The following KCNQ1 variants were observed in gnomAD, a reference collection of about 807,000 sequenced individuals.
KCNQ1 encodes the protein potassium voltage-gated channel subfamily KQT member 1.
KCNQ1 carries 49 observed loss-of-function variants against 72.4 expected under a neutral mutation model. That is an observed-to-expected ratio of 0.68 (90% confidence interval 0.54 to 0.86). The LOEUF (loss-of-function observed/expected upper bound fraction) is 0.86. KCNQ1 is among the 40% of genes least tolerant of loss of function. The pLI, the probability that KCNQ1 is intolerant of heterozygous loss-of-function variation, is 0.00. For missense variants in KCNQ1, 790 were observed against 945.1 expected, an observed-to-expected ratio of 0.84 and a Z score of 2.15; for synonymous variants, 450 against 412.6, an observed-to-expected ratio of 1.09 and a Z score of -1.10.
At position 2,805,093 on chromosome 11, in the gene KCNQ1, G is replaced by C. The variant is rs114647828; in HGVS notation, c.1794+27056G>C. On this transcript the variant is annotated intron_variant, in intron 15 of 15. Transcript: ENST00000155840. Reference sequence around the variant, plus strand: ...GGGCCTGAGTTTCTGCCCATGGGCAGCTGCCGGACAAGCCCTCTGGTGTGT... The same window carrying C: ...GGGCCTGAGTTTCTGCCCATGGGCACCTGCCGGACAAGCCCTCTGGTGTGT... Among the ~76,000 whole-genome samples, 784 of 152,264 alleles carry C rather than the reference G, an allele frequency of 5.1e-3. 6 individuals carry two copies. Among genetic ancestry groups the C allele is most frequent in the African/African-American group, 0.018 (751 of 41,544 alleles).
At chr11:2,733,844 T>TCG (rs1564875376) in intron 11 of KCNQ1, among the ~76,000 whole-genome samples, 4 of 24,864 alleles carry the variant, frequency 1.6e-4, no homozygotes, top group Non-Finnish European at 3.4e-4. Flanking sequence ...TCTCTCTCTC[T>TCG]CTCTCTCTCT....
intron 15 of KCNQ1, among the ~76,000 whole-genome samples, chr11:2,779,177 T>C (rs1472580283): frequency 1.3e-5 from 2 of 152,098 alleles, no homozygotes; most frequent in East Asian, 3.9e-4. Context: ...CAGTGGGAGA[T>C]AGCGCCCATC....
intron 10 of KCNQ1, chr11:2,632,842 C>T (rs1430856831): frequency 5.0e-6 from 2 of 398,254 alleles, no homozygotes; most frequent in Non-Finnish European, 8.9e-6. Context: ...AAGTTGATTC[C>T]ATATCTTAAC....
chr11:2,625,630 C>T lies in KCNQ1; in HGVS notation c.1394-36331C>T, dbSNP rs574412772. On this transcript the variant is annotated intron_variant, in intron 10 of 15. Transcript: ENST00000155840. ...CTCACTCTGTTGCCCAAGCTGAGTG[C>T]AGTGGTGCCATCTCGGCTTACTGCA... 7.6e-6 allele frequency: 3 copies of T among 393,720 alleles called. No homozygotes were observed. In the Admixed American group the frequency reaches 1.4e-4, roughly 18 times the overall value. 24.4% of individuals were successfully genotyped at this position (393,720 alleles called of 1,614,324 possible). A position where few individuals can be genotyped will look rare whatever the true frequency, so the allele number is the denominator to read the frequency against.
intron 11 of KCNQ1, among the ~76,000 whole-genome samples, chr11:2,709,328 C>T (rs1850966205): frequency 6.9e-6 from 1 of 145,220 alleles, no homozygotes; most frequent in Non-Finnish European, 1.5e-5. Flanking sequence ...CAGCAAGAAG[C>T]GGGCAGAGGC....
At position 2,647,617 on chromosome 11, in the gene KCNQ1, C is replaced by T. The variant is rs1468865568; in HGVS notation, c.1394-14344C>T. The T allele has an allele frequency of 2.0e-5, 8 of 398,476 alleles. No individual in the cohort carries two copies. The highest frequency in any genetic ancestry group is 2.2e-5 in the Non-Finnish European group (5 of 226,020). 24.7% of individuals were successfully genotyped at this position (398,476 alleles called of 1,614,324 possible). On this transcript the variant is annotated intron_variant, in intron 10 of 15. Coordinates refer to ENST00000155840, the MANE Select transcript of KCNQ1 (RefSeq NM_000218.3). This position sits in a 1 kb window ranked among gnomAD's most constrained non-coding sequence, Gnocchi z 4.0. The stretch of plus-strand genomic sequence containing the variant: ...GTTTGGTAGAATTCAGTAGAAAACC[C>T]GTGCAATCCTGAGGTTTTCTTTACT...
intron 15 of KCNQ1, among the ~76,000 whole-genome samples, chr11:2,823,995 T>C (rs111971747): frequency 4.6e-5 from 7 of 152,186 alleles, no homozygotes; most frequent in Non-Finnish European, 1.0e-4. Context: ...AGTGATGGGC[T>C]TCCCGGGAGT....
rs1846561473 is a variant in KCNQ1 at position 2,475,841 on chromosome 11, C to T, written c.386+30357C>T. On this transcript the variant is annotated intron_variant, in intron 1 of 15. Transcript: ENST00000155840. This position sits in a 1 kb window ranked among gnomAD's most constrained non-coding sequence, Gnocchi z 5.8. ...ACAAGCTCTCTCATGTTTTGCCTGC[C>T]ACCATCCACGTAAGATGGGACTTGG... 6.6e-6 allele frequency among the ~76,000 whole-genome samples: 1 copy of T among 152,168 alleles called. No homozygotes were observed. The highest frequency in any genetic ancestry group is 1.5e-5 in the Non-Finnish European group (1 of 68,040).
chr11:2,572,049 C>T lies in KCNQ1; in HGVS notation c.720C>T (p.His240=), dbSNP rs28730754. Residue 240 remains histidine (H), a synonymous_variant, in exon 5 of 16, where the codon CAC becomes CAT. Transcript: ENST00000155840. ...TCCTGCAGATCCTGAGGATGCTACA[C>T]GTCGACCGCCAGGGAGGCACCTGGA... The part of the protein sequence containing the change: ...IRFLQILRML[H]VDRQGGTWRL... The T allele has an allele frequency of 1.0e-3, 1,671 of 1,612,882 alleles. 5 individuals carry two copies. In the African/African-American group the frequency reaches 0.016, roughly 16 times the overall value.
At chr11:2,705,825 C>T (rs914226167) in intron 11 of KCNQ1, among the ~76,000 whole-genome samples, 2 of 152,172 alleles carry the variant, frequency 1.3e-5, no homozygotes, top group African/African-American at 2.4e-5. Flanking sequence ...ATTAAAAGGC[C>T]CTGGATCGGT....
In KCNQ1 at chr11:2,488,784, T is replaced by C. The variant is rs1209567557; in HGVS notation, c.387-39144T>C. The stretch of plus-strand genomic sequence containing the variant: ...AAGGTTTGTCAATTCTTAAAATCTT[T>C]TCAGAGAAGCAACTTTGATTTAATT... On this transcript the variant is annotated intron_variant, in intron 1 of 15. Coordinates refer to ENST00000155840, the MANE Select transcript of KCNQ1 (RefSeq NM_000218.3). The surrounding 1 kb of genome is among the most constrained non-coding windows in gnomAD (Gnocchi z 5.1). Among the ~76,000 whole-genome samples, 1 of 152,248 alleles carries C rather than the reference T, an allele frequency of 6.6e-6. No homozygotes were observed. The highest frequency in any genetic ancestry group is 1.5e-5 in the Non-Finnish European group (1 of 68,042).
At position 2,658,525 on chromosome 11, in the gene KCNQ1, C is replaced by T. The variant is rs1235246344; in HGVS notation, c.1394-3436C>T. 5.0e-6 allele frequency: 2 copies of T among 398,310 alleles called. No individual in the cohort carries two copies. The highest frequency in any genetic ancestry group is 8.8e-6 in the Non-Finnish European group (2 of 226,030). The allele number at this position is 398,310 out of a possible 1,614,324, so 24.7% of individuals were successfully genotyped here. On this transcript the variant is annotated intron_variant, in intron 10 of 15. Coordinates refer to ENST00000155840, the MANE Select transcript of KCNQ1 (RefSeq NM_000218.3). The surrounding 1 kb of genome is among the most constrained non-coding windows in gnomAD (Gnocchi z 4.9). ...TTCTAGCACTTGACAATACTTCAGG[C>T]TCATCTTTTATTTTCCCTACCCTAG...
Position 2,750,075 on chromosome 11 carries a change from C to T in KCNQ1, c.1515-18769C>T, listed in dbSNP as rs1489518301. Among the ~76,000 whole-genome samples, 2 of 152,080 alleles carry T rather than the reference C, an allele frequency of 1.3e-5. No homozygotes were observed. The highest frequency in any genetic ancestry group is 4.8e-5 in the African/African-American group (2 of 41,380). The stretch of plus-strand genomic sequence containing the variant: ...TGGGAACAGCCAAGAGGCCAGGAAG[C>T]GGAGCCTGGGTGCAGGGGCATCTTG... On this transcript the variant is annotated intron_variant, in intron 11 of 15. Coordinates refer to ENST00000155840, the MANE Select transcript of KCNQ1 (RefSeq NM_000218.3). This position sits in a 1 kb window ranked among gnomAD's most constrained non-coding sequence, Gnocchi z 6.3.
intron 2 of KCNQ1, among the ~76,000 whole-genome samples, chr11:2,569,172 C>T (rs1217364725): frequency 6.6e-6 from 1 of 152,212 alleles, no homozygotes; most frequent in African/African-American, 2.4e-5. Flanking sequence ...GCGTGAGCCC[C>T]CGCACCTGGC....
chr11:2,474,104 T>A (rs1020694502), intron 1 of KCNQ1, among the ~76,000 whole-genome samples: 2 of 152,110 alleles, frequency 1.3e-5, no homozygotes, highest in African/African-American at 4.8e-5. Context: ...GTTTTTTGTC[T>A]TTCTTTCGAA....
In KCNQ1 at chr11:2,595,732, C is replaced by T. The variant is rs1479761090; in HGVS notation, c.1393+6878C>T. Among the ~76,000 whole-genome samples the T allele has an allele frequency of 6.6e-6, 1 of 152,170 alleles. No homozygotes were observed. The highest frequency in any genetic ancestry group is 1.5e-5 in the Non-Finnish European group (1 of 68,040). On this transcript the variant is annotated intron_variant, in intron 10 of 15. Coordinates refer to ENST00000155840, the MANE Select transcript of KCNQ1 (RefSeq NM_000218.3). The surrounding 1 kb of genome is among the most constrained non-coding windows in gnomAD (Gnocchi z 5.0). Reference sequence around the variant, plus strand: ...GTTGTTCTTATGGCTGCTAACACAACATCCATTCTGCAGCCCATAATCAAG... The same window carrying T: ...GTTGTTCTTATGGCTGCTAACACAATATCCATTCTGCAGCCCATAATCAAG...
intron 10 of KCNQ1, chr11:2,632,182 CAAAAAA>C (rs34998500): frequency 2.0e-4 from 62 of 312,118 alleles, no homozygotes; most frequent in South Asian, 4.0e-4. Flanking sequence ...GACTCTGCCT[CAAAAAA>C]AAAAAAAAAA....
chr11:2,691,303 G>T lies in KCNQ1; in HGVS notation c.1514+29222G>T, dbSNP rs1188820457. On this transcript the variant is annotated intron_variant, in intron 11 of 15. Transcript: ENST00000155840. The surrounding 1 kb of genome is among the most constrained non-coding windows in gnomAD (Gnocchi z 6.4). ...GAAGGAGAGCTGACAAGAAAAAGGCGATGTCTCACCCCTGAGCTACAATCC... is the reference window on the plus strand; with the variant it reads ...GAAGGAGAGCTGACAAGAAAAAGGCTATGTCTCACCCCTGAGCTACAATCC... 3 of 398,602 alleles carry T rather than the reference G, an allele frequency of 7.5e-6. No individual in the cohort carries two copies. Among genetic ancestry groups the T allele is most frequent in the Non-Finnish European group, 1.3e-5 (3 of 226,080 alleles). The allele number at this position is 398,602 out of a possible 1,614,324, so 24.7% of individuals were successfully genotyped here. A position where few individuals can be genotyped will look rare whatever the true frequency, so the allele number is the denominator to read the frequency against.
intron 11 of KCNQ1, among the ~76,000 whole-genome samples, chr11:2,731,366 A>G (rs535888499): frequency 9.2e-5 from 14 of 152,314 alleles, no homozygotes; most frequent in African/African-American, 3.1e-4. Context: ...ACCCCTCGGG[A>G]ATTCAGGCCT....
Sources: allele counts gnomAD v4.1 joint callset (sites outside exome capture counted in the v4.1 genomes callset), GRCh38; gene constraint gnomAD v4.1.1; non-coding constraint Gnocchi (gnomAD v3.1); transcripts MANE v1.5; gene names NCBI Gene and HGNC (gene_info 2026-07-23, HGNC 2026-07-21).